The following TYW1B variants were observed in gnomAD, a reference collection of about 807,000 sequenced individuals.
The protein encoded by TYW1B is tRNA-yW synthesizing protein 1 homolog B.
A neutral mutation model predicts 86.9 loss-of-function variants in TYW1B; 73 were observed. The observed-to-expected ratio is 0.84, with a 90% CI of 0.70 to 1.02. TYW1B has a LOEUF of 1.02. Ranked by LOEUF, TYW1B falls within the 50% of genes least tolerant of loss-of-function variation. The pLI is 0.00. For missense variants in TYW1B, 637 were observed against 827.4 expected (o/e 0.77, Z 2.82); for synonymous variants, 248 against 292.8 (o/e 0.85, Z 1.56).
chr7:72,768,962 CT>C, intron 7 of TYW1B: 1 of 342,970 alleles, frequency 2.9e-6, no homozygotes. Flanking sequence ...TACTTCCTTA[CT>C]TTACTATCTT....
chr7:72,621,514 C>G (rs1161147923), intron 12 of TYW1B, among the ~76,000 whole-genome samples: 1 of 152,232 alleles, frequency 6.6e-6, no homozygotes, highest in African/African-American at 2.4e-5. Flanking sequence ...GCCCACTCAG[C>G]ATCCTGTCTG....
chr7:72,683,437 G>T (rs1314130226), intron 11 of TYW1B, among the ~76,000 whole-genome samples: 1 of 152,124 alleles, frequency 6.6e-6, no homozygotes, highest in Non-Finnish European at 1.5e-5. Context: ...GAGCATGGTG[G>T]CAGGTGCCTA....
At chr7:72,637,510 C>T (rs1386660540) in intron 11 of TYW1B, among the ~76,000 whole-genome samples, 1 of 150,710 alleles carries the variant, frequency 6.6e-6, no homozygotes, top group African/African-American at 2.4e-5. Flanking sequence ...TTATTTGTAC[C>T]ATCTCTCATT....
At chr7:72,677,740 T>C (rs1447052943) in intron 11 of TYW1B, among the ~76,000 whole-genome samples, 2 of 152,166 alleles carry the variant, frequency 1.3e-5, no homozygotes, top group Admixed American at 1.3e-4. Context: ...TCTTGCTCTA[T>C]CACCAGGCTG....
At chr7:72,811,041 G>A (rs1222714125) in intron 3 of TYW1B, among the ~76,000 whole-genome samples, 4 of 152,000 alleles carry the variant, frequency 2.6e-5, no homozygotes, top group African/African-American at 4.8e-5. Context: ...GGAGGCTGAG[G>A]CGGGCGGATC....
chr7:72,612,042 T>TC (rs1811945865), intron 13 of TYW1B, among the ~76,000 whole-genome samples: 2 of 131,982 alleles, frequency 1.5e-5, no homozygotes, highest in Non-Finnish European at 3.2e-5. Context: ...TTCTTCTCTT[T>TC]TTCTCTCTCT....
chr7:72,615,924 G>T (rs1299306080), intron 13 of TYW1B, among the ~76,000 whole-genome samples: 1 of 151,578 alleles, frequency 6.6e-6, no homozygotes, highest in Non-Finnish European at 1.5e-5. Flanking sequence ...AGAGACAAAA[G>T]CACAAAAAAT....
intron 12 of TYW1B, among the ~76,000 whole-genome samples, chr7:72,623,597 T>C (rs1554438326): frequency 6.6e-6 from 1 of 152,176 alleles, no homozygotes. Context: ...CATGGAGTAC[T>C]TCCAGAATGG....
chr7:72,815,495 A>C lies in TYW1B; in HGVS notation c.136-14T>G, dbSNP rs1788706251. 1.3e-6 allele frequency: 2 copies of C among 1,598,050 alleles called. No homozygotes were observed. Among genetic ancestry groups the C allele is most frequent in the South Asian group, 2.3e-5 (2 of 86,406 alleles). On this transcript the variant is annotated splice_polypyrimidine_tract_variant and intron_variant, in intron 2 of 13. Transcript: ENST00000620995. The stretch of plus-strand genomic sequence containing the variant: ...TGTTGCAAATCCCTAATAGGACAAA[A>C]AAAAACTTCAAATAAAGTCTTCAAT...
intron 12 of TYW1B, among the ~76,000 whole-genome samples, chr7:72,625,781 C>T (rs577103074): frequency 3.3e-5 from 5 of 151,230 alleles, no homozygotes; most frequent in African/African-American, 7.3e-5. Flanking sequence ...ATACTGTTTA[C>T]CAAGTAGCTG....
intron 11 of TYW1B, among the ~76,000 whole-genome samples, chr7:72,640,174 A>G (rs1332612674): frequency 6.6e-6 from 1 of 152,096 alleles, no homozygotes; most frequent in Admixed American, 6.6e-5. Context: ...AAAATAGAGA[A>G]AAAGACAGCT....
rs782796977 is a variant in TYW1B at position 72,728,925 on chromosome 7, G to C, written c.1089C>G (p.His363Gln). The C allele has an allele frequency of 6.2e-6, 10 of 1,613,768 alleles. No individual in the cohort carries two copies. The South Asian group carries it at 1.1e-4, about 18-fold the overall frequency. Reference protein sequence around the residue: ...ANKCVFCWWHHNNPVGTEWLW... With the variant: ...ANKCVFCWWHQNNPVGTEWLW... ...ACCATTCAGTGCCCACAGGGTTGTTGTGGTGCCTAGGAACAAGACGCAAAG... is the reference window on the plus strand; with the variant it reads ...ACCATTCAGTGCCCACAGGGTTGTTCTGGTGCCTAGGAACAAGACGCAAAG... The change falls in exon 9 of 14, where the codon CAC becomes CAG. Residue 363 changes from histidine to glutamine, a missense_variant. His to Gln is a conservative substitution (Grantham distance 24). Transcript: ENST00000620995.
chr7:72,753,759 G>A (rs1318633033), intron 7 of TYW1B, among the ~76,000 whole-genome samples: 9 of 151,992 alleles, frequency 5.9e-5, no homozygotes, highest in Admixed American at 1.3e-4. Context: ...GATTACAGGC[G>A]TGAGCCACTG....
At chr7:72,598,336 G>T (rs1437621015) in intron 13 of TYW1B, among the ~76,000 whole-genome samples, 1 of 152,020 alleles carries the variant, frequency 6.6e-6, no homozygotes, top group Non-Finnish European at 1.5e-5. Context: ...CTTGCAGACA[G>T]CTTATTGTGG....
At chr7:72,728,961 C>T in intron 8 of TYW1B, 30 bp from the exon 9 acceptor site, 1 of 1,597,612 alleles carries the variant, frequency 6.3e-7, no homozygotes, top group Non-Finnish European at 8.6e-7. Context: ...TTCTAAAAGA[C>T]CCTTCTGTAA....
Position 72,790,513 on chromosome 7 carries a change from T to C in TYW1B, c.846+11887A>G, listed in dbSNP as rs552040659. Among the ~76,000 whole-genome samples, 1,245 of 152,214 alleles carry C rather than the reference T, an allele frequency of 8.2e-3. 8 individuals are homozygous for C. The highest frequency in any genetic ancestry group is 0.041 in the Middle Eastern group (12 of 294). On this transcript the variant is annotated intron_variant, in intron 6 of 13. Coordinates refer to ENST00000620995, the MANE Select transcript of TYW1B (RefSeq NM_001145440.3). ...TCTGCCCCACTGGGTCTGGCAGCCC[T>C]CCCAGGATGGGCCCACACCCTCCTC...
At chr7:72,758,653 C>G (rs1194821304) in intron 7 of TYW1B, among the ~76,000 whole-genome samples, 1 of 152,156 alleles carries the variant, frequency 6.6e-6, no homozygotes, top group Non-Finnish European at 1.5e-5. Flanking sequence ...TCTGAGCCTC[C>G]TTCCTTTTAG....
intron 13 of TYW1B, among the ~76,000 whole-genome samples, chr7:72,602,122 G>A (rs1237067768): frequency 3.3e-5 from 5 of 152,158 alleles, no homozygotes; most frequent in South Asian, 2.1e-4. Flanking sequence ...TATTACAAAT[G>A]TATGAAATAA....
Position 72,807,257 on chromosome 7 carries a change from T to C in TYW1B, c.532A>G (p.Ser178Gly). 6.2e-7 allele frequency: 1 copy of C among 1,614,204 alleles called. No homozygotes were observed. The highest frequency in any genetic ancestry group is 8.5e-7 in the Non-Finnish European group (1 of 1,180,046). The part of the protein sequence containing the change: ...DCDVVKSKHG[S>G]IEANFRAWKT... The stretch of plus-strand genomic sequence containing the variant: ...CATGCTCTGAAGTTGGCCTCAATGC[T>C]GCCGTGCTTGCTTTTAACCACGTCG... The change falls in exon 5 of 14, where the codon AGC (serine) becomes GGC (glycine). Residue 178 changes from serine to glycine, a missense_variant. By Grantham distance (56) the Ser-to-Gly change is moderately conservative. Transcript: ENST00000620995.
Sources: allele counts gnomAD v4.1 joint callset (sites outside exome capture counted in the v4.1 genomes callset), GRCh38; gene constraint gnomAD v4.1.1; transcripts MANE v1.5; gene names NCBI Gene and HGNC (gene_info 2026-07-23, HGNC 2026-07-21).